ZNF438: variants seen among roughly 807,000 people sequenced by gnomAD.
ZNF438 encodes the protein zinc finger protein 438.
ZNF438 carries 25 observed loss-of-function variants against 38.0 expected under a neutral mutation model. The ratio of observed to expected loss-of-function variants is 0.66; its 90% CI spans 0.48 to 0.92. ZNF438 has a LOEUF of 0.92. Ranked by LOEUF, ZNF438 falls within the 40% of genes least tolerant of loss-of-function variation. The pLI, the probability that ZNF438 is intolerant of heterozygous loss-of-function variation, is 0.00. For synonymous variants in ZNF438, 372 were observed against 364.1 expected, an observed-to-expected ratio of 1.02 and a Z score of -0.25; for missense variants, 1,007 against 999.6, an observed-to-expected ratio of 1.01 and a Z score of -0.10.
At chr10:30,933,876 G>A (rs2045948059) in intron 2 of ZNF438, among the ~76,000 whole-genome samples, 2 of 152,138 alleles carry the variant, frequency 1.3e-5, no homozygotes, top group Admixed American at 1.3e-4. Flanking sequence ...GACAGGCGCG[G>A]TGGCTCACGC....
chr10:30,861,935 G>C (rs1480978913), intron 4 of ZNF438, among the ~76,000 whole-genome samples: 3 of 152,116 alleles, frequency 2.0e-5, no homozygotes, highest in African/African-American at 7.2e-5. Flanking sequence ...ACCTTCCAAG[G>C]ACACTAAGCC....
chr10:31,005,758 C>T (rs999141986), intron 1 of ZNF438, among the ~76,000 whole-genome samples: 2 of 151,990 alleles, frequency 1.3e-5, no homozygotes, highest in African/African-American at 2.4e-5. Flanking sequence ...TAAATATATA[C>T]AATAAAAAAA....
chr10:30,973,159 G>A (rs2050937812), intron 1 of ZNF438, among the ~76,000 whole-genome samples: 1 of 152,138 alleles, frequency 6.6e-6, no homozygotes, highest in Non-Finnish European at 1.5e-5. Flanking sequence ...GAAAGTATAG[G>A]CACCTTGAGG....
chr10:30,889,488 C>G (rs529040216), intron 3 of ZNF438, among the ~76,000 whole-genome samples: 1 of 152,278 alleles, frequency 6.6e-6, no homozygotes, highest in African/African-American at 2.4e-5. Flanking sequence ...TCACTGCAAC[C>G]TCCACCTCCC....
intron 4 of ZNF438, among the ~76,000 whole-genome samples, chr10:30,857,005 G>A (rs1376833952): frequency 6.6e-6 from 1 of 152,148 alleles, no homozygotes; most frequent in Non-Finnish European, 1.5e-5. Flanking sequence ...CTGCGAATAA[G>A]TATTACTGTT....
chr10:30,893,415 A>G (rs1484931552), intron 3 of ZNF438, among the ~76,000 whole-genome samples: 2 of 152,252 alleles, frequency 1.3e-5, no homozygotes, highest in Non-Finnish European at 2.9e-5. Flanking sequence ...AAAGGAAGTG[A>G]GCATTAGTGT....
chr10:30,882,060 T>G (rs1448431212), intron 3 of ZNF438, among the ~76,000 whole-genome samples: 2 of 152,090 alleles, frequency 1.3e-5, no homozygotes, highest in African/African-American at 4.8e-5. Context: ...CAAACTAATA[T>G]GCTAAACTTC....
intron 3 of ZNF438, among the ~76,000 whole-genome samples, chr10:30,904,145 C>T (rs149736286): frequency 1.8e-4 from 27 of 152,288 alleles, no homozygotes; most frequent in African/African-American, 6.0e-4. Flanking sequence ...TTGCTATCAG[C>T]AAATCACATA....
intron 2 of ZNF438, among the ~76,000 whole-genome samples, chr10:30,938,810 T>C (rs193166917): frequency 0.02 from 2,576 of 131,854 alleles, 64 homozygotes; most frequent in African/African-American, 0.068. Flanking sequence ...TATTTATTTA[T>C]TTTGAGATGG....
At chr10:30,919,196 T>G (rs764614248) in intron 2 of ZNF438, 10 of 152,220 alleles carry the variant, frequency 6.6e-5, no homozygotes, top group Non-Finnish European at 1.5e-4. Context: ...TTCCGTATCT[T>G]CACTATCTGA....
At chr10:30,886,444 G>A (rs556513058) in intron 3 of ZNF438, among the ~76,000 whole-genome samples, 3 of 152,162 alleles carry the variant, frequency 2.0e-5, no homozygotes, top group South Asian at 2.1e-4. Context: ...TTCAACTTAT[G>A]ATGGGGCTAT....
intron 4 of ZNF438, among the ~76,000 whole-genome samples, chr10:30,870,954 T>C (rs1218453789): frequency 6.6e-6 from 1 of 152,154 alleles, no homozygotes; most frequent in African/African-American, 2.4e-5. Context: ...CATGTAACAA[T>C]GACCAGAGCT....
chr10:30,950,609 A>ACT (rs888956158), intron 1 of ZNF438, among the ~76,000 whole-genome samples: 6 of 150,980 alleles, frequency 4.0e-5, no homozygotes, highest in Non-Finnish European at 8.9e-5. Context: ...ATCAGAGAAT[A>ACT]CTACAAACAC....
rs76949792 is a variant in ZNF438, at chr10:31,002,040, A to T, written c.-192+29793T>A. Among the ~76,000 whole-genome samples the T allele has an allele frequency of 4.1e-3, 619 of 152,350 alleles. 4 individuals are homozygous for T. The highest frequency in any genetic ancestry group is 0.017 in the Middle Eastern group (5 of 294). On this transcript the variant is annotated intron_variant, in intron 1 of 5. Coordinates refer to ENST00000413025, the Ensembl canonical transcript of ZNF438. ...GAGGGGAAGGACTCATAAAGATGAG[A>T]CGTAAGAATTTAAAATGGCACAGCA...
chr10:31,022,204 G>T (rs190664584), intron 1 of ZNF438, among the ~76,000 whole-genome samples: 10 of 152,160 alleles, frequency 6.6e-5, no homozygotes, highest in African/African-American at 2.4e-4. Context: ...ACCAAAAAAA[G>T]GTCATAGTCA....
chr10:30,998,323 G>A (rs1426717772), intron 1 of ZNF438, among the ~76,000 whole-genome samples: 1 of 151,780 alleles, frequency 6.6e-6, no homozygotes, highest in African/African-American at 2.4e-5. Flanking sequence ...GGTGGATCAT[G>A]AGGTCAGGAG....
chr10:31,016,350 G>GA (rs1168241845), intron 1 of ZNF438, among the ~76,000 whole-genome samples: 1 of 152,016 alleles, frequency 6.6e-6, no homozygotes, highest in Non-Finnish European at 1.5e-5. Flanking sequence ...AGCTTCAACT[G>GA]AAAAAAATCA....
At chr10:30,869,359 A>G (rs998446408) in intron 4 of ZNF438, among the ~76,000 whole-genome samples, 2 of 150,288 alleles carry the variant, frequency 1.3e-5, no homozygotes, top group East Asian at 1.9e-4. Context: ...GGACAACAAG[A>G]GCTAAACTCC....
At chr10:30,863,326 T>C (rs953416871) in intron 4 of ZNF438, among the ~76,000 whole-genome samples, 3 of 152,186 alleles carry the variant, frequency 2.0e-5, no homozygotes, top group African/African-American at 7.2e-5. Context: ...CACTGGTGGG[T>C]ACTGAGGTGA....
Sources: allele counts gnomAD v4.1 joint callset (sites outside exome capture counted in the v4.1 genomes callset), GRCh38; gene constraint gnomAD v4.1.1; transcripts MANE v1.5; gene names NCBI Gene and HGNC (gene_info 2026-07-23, HGNC 2026-07-21).